Variants in FAM83B observed in about 807,000 individuals in gnomAD.
FAM83B encodes the protein protein FAM83B.
A neutral mutation model predicts 38.8 loss-of-function variants in FAM83B; 26 were observed. That is an observed-to-expected ratio of 0.67 (90% confidence interval 0.49 to 0.93). FAM83B has a LOEUF of 0.93. Ranked by LOEUF, FAM83B falls within the 40% of genes least tolerant of loss-of-function variation. The pLI is 0.00. For missense variants in FAM83B, 1,237 were observed against 1,197.3 expected (o/e 1.03, Z -0.49); for synonymous variants, 419 against 423.1 (o/e 0.99, Z 0.12).
chr6:54,931,815 G>C (rs2127589808), intron 4 of FAM83B, among the ~76,000 whole-genome samples: 1 of 151,862 alleles, frequency 6.6e-6, no homozygotes, highest in East Asian at 1.9e-4. Flanking sequence ...AATTACTGAT[G>C]GAGAAGGACT....
chr6:54,909,048 C>G (rs1358540548), intron 2 of FAM83B, among the ~76,000 whole-genome samples: 1 of 152,130 alleles, frequency 6.6e-6, no homozygotes, highest in Non-Finnish European at 1.5e-5. Context: ...AATAATACTA[C>G]TTGTCTAACA....
intron 1 of FAM83B, among the ~76,000 whole-genome samples, chr6:54,861,067 CG>C (rs998233317): frequency 6.6e-6 from 1 of 152,148 alleles, no homozygotes; most frequent in African/African-American, 2.4e-5. Context: ...CCACCATGCC[CG>C]GCCATGGGTT....
At chr6:54,861,608 C>T (rs753031449) in intron 1 of FAM83B, among the ~76,000 whole-genome samples, 1 of 152,168 alleles carries the variant, frequency 6.6e-6, no homozygotes, top group East Asian at 1.9e-4. Flanking sequence ...GATGTGGTCT[C>T]TTGGGTTCTT....
chr6:54,941,249 G>T lies in FAM83B; in HGVS notation c.2278G>T (p.Glu760Ter). 1 of 1,612,800 alleles carries T rather than the reference G, an allele frequency of 6.2e-7. No individual in the cohort carries two copies. Among genetic ancestry groups the T allele is most frequent in the Non-Finnish European group, 8.5e-7 (1 of 1,179,696 alleles). ...TAACAAAGAACTTGCTTCAAAGAAG[G>T]AAGTTAAGGGTTCCCCAAGTTTTTT... Reference protein sequence around the residue: ...ESNKELASKKEVKGSPSFLKK... With the variant: ...ESNKELASKK The change falls in exon 5 of 5, where the codon GAA (glutamate) becomes TAA (stop). Residue 760 changes from glutamate (E) to a stop codon, truncating the protein, a stop_gained. Transcript: ENST00000306858. LOFTEE classifies it high-confidence loss of function.
intron 1 of FAM83B, among the ~76,000 whole-genome samples, chr6:54,860,235 G>T (rs573970307): frequency 2.6e-5 from 4 of 152,246 alleles, no homozygotes; most frequent in Admixed American, 6.5e-5. Context: ...CATTTGAATA[G>T]TGGTGTTGAT....
intron 4 of FAM83B, among the ~76,000 whole-genome samples, chr6:54,929,885 A>C (rs1013211079): frequency 1.3e-5 from 2 of 152,004 alleles, no homozygotes; most frequent in Admixed American, 6.6e-5. Flanking sequence ...TTACTAAAAT[A>C]TGTGCAGTAC....
chr6:54,854,949 T>A (rs1432216089), intron 1 of FAM83B, among the ~76,000 whole-genome samples: 2 of 152,222 alleles, frequency 1.3e-5, no homozygotes, highest in Non-Finnish European at 2.9e-5. Context: ...ACGTGTGCAA[T>A]GGTCATCTGA....
chr6:54,935,633 A>G (rs1773509582), intron 4 of FAM83B, among the ~76,000 whole-genome samples: 1 of 152,236 alleles, frequency 6.6e-6, no homozygotes, highest in Middle Eastern at 3.4e-3. Flanking sequence ...TTTTAAACAA[A>G]ACAGAAAGTT....
rs960302946 is a variant in FAM83B, at chr6:54,890,740, G to T, written c.444+20050G>T. On this transcript the variant is annotated intron_variant, in intron 2 of 4. Transcript: ENST00000306858. ...TCACTGCATTCAATTTATGTAATCA[G>T]TGAGAAGAAACAGTGATAAGATCAG... is the stretch of plus-strand genomic sequence containing the variant. Among the ~76,000 whole-genome samples the T allele has an allele frequency of 3.9e-5, 6 of 152,010 alleles. 1 individual carries two copies. The highest frequency in any genetic ancestry group is 1.5e-5 in the Non-Finnish European group (1 of 67,984).
At chr6:54,883,941 G>A (rs1034458713) in intron 2 of FAM83B, among the ~76,000 whole-genome samples, 25 of 151,956 alleles carry the variant, frequency 1.6e-4, no homozygotes, top group Non-Finnish European at 2.8e-4. Context: ...AGGCCGAGGC[G>A]GGCAGATCAC....
chr6:54,863,218 G>T (rs1771627023), intron 1 of FAM83B, among the ~76,000 whole-genome samples: 1 of 152,064 alleles, frequency 6.6e-6, no homozygotes, highest in South Asian at 2.1e-4. Context: ...CATAAAGAGG[G>T]GTTTCAGTTA....
At chr6:54,847,622 AT>A (rs977161210) in intron 1 of FAM83B, among the ~76,000 whole-genome samples, 23 of 140,904 alleles carry the variant, frequency 1.6e-4, no homozygotes, top group African/African-American at 6.0e-4. Flanking sequence ...TCTGTGTGAT[AT>A]GTGGGGAGAC....
chr6:54,897,227 T>TAAAAAA (rs368282962), intron 2 of FAM83B, among the ~76,000 whole-genome samples: 4 of 144,122 alleles, frequency 2.8e-5, no homozygotes, highest in Admixed American at 6.9e-5. Context: ...TGTTGTGATC[T>TAAAAAA]AAAAAAAAAA....
intron 1 of FAM83B, among the ~76,000 whole-genome samples, chr6:54,859,351 C>T (rs899387243): frequency 2.0e-5 from 3 of 152,218 alleles, no homozygotes; most frequent in Non-Finnish European, 2.9e-5. Context: ...TGAGCCACTG[C>T]ACCCGGCCAC....
intron 2 of FAM83B, among the ~76,000 whole-genome samples, chr6:54,897,477 T>A (rs1251826829): frequency 6.6e-6 from 1 of 152,190 alleles, no homozygotes; most frequent in East Asian, 1.9e-4. Context: ...CCCTAAAATT[T>A]TTTTTTAGAA....
chr6:54,870,043 G>A, intron 1 of FAM83B, 144 bp from the exon 2 acceptor site: 1 of 527,572 alleles, frequency 1.9e-6, no homozygotes, highest in Non-Finnish European at 3.4e-6. Flanking sequence ...TGCTATTAAT[G>A]TCATTTTGGA....
chr6:54,935,035 G>T (rs563915756), intron 4 of FAM83B, among the ~76,000 whole-genome samples: 2 of 152,126 alleles, frequency 1.3e-5, no homozygotes, highest in East Asian at 1.9e-4. Context: ...TTTTAGTATT[G>T]TGTAGGAAAG....
At chr6:54,881,994 A>G (rs1772142362) in intron 2 of FAM83B, among the ~76,000 whole-genome samples, 2 of 152,066 alleles carry the variant, frequency 1.3e-5, no homozygotes, top group South Asian at 4.1e-4. Flanking sequence ...ATTCCCACCT[A>G]TGAGTGAGAA....
At chr6:54,910,555 C>T (rs1469063362) in intron 2 of FAM83B, among the ~76,000 whole-genome samples, 1 of 152,306 alleles carries the variant, frequency 6.6e-6, no homozygotes, top group East Asian at 1.9e-4. Flanking sequence ...GAGTAGAACA[C>T]TAGAGCGGGG....
Sources: gnomAD v4.1 joint callset for allele counts (sites outside exome capture counted in the v4.1 genomes callset) on GRCh38, gnomAD v4.1.1 for gene constraint, MANE v1.5 for transcripts, NCBI Gene and HGNC (gene_info 2026-07-23, HGNC 2026-07-21) for gene names.